The following JMY variants were observed in gnomAD, a reference collection of about 807,000 sequenced individuals.
The protein encoded by JMY is junction-mediating and -regulatory protein.
A neutral mutation model predicts 103.3 loss-of-function variants in JMY; 46 were observed. The ratio of observed to expected loss-of-function variants is 0.45; its 90% confidence interval spans 0.35 to 0.57. The LOEUF (loss-of-function observed/expected upper bound fraction) is 0.57, where lower values mean the gene tolerates loss of function less well. Ranked by LOEUF, JMY falls within the 20% of genes least tolerant of loss-of-function variation. The pLI, the probability that JMY is intolerant of heterozygous loss-of-function variation, is 0.00. For missense variants in JMY, 1,238 were observed against 1,255.2 expected, an observed-to-expected ratio of 0.99 and a Z score of 0.21; for synonymous variants, 526 against 489.3, an observed-to-expected ratio of 1.07 and a Z score of -0.99.
intron 1 of JMY, among the ~76,000 whole-genome samples, chr5:79,262,501 A>T (rs1745454843): frequency 6.6e-6 from 1 of 152,246 alleles, no homozygotes; most frequent in South Asian, 2.1e-4. Context: ...ATCATGAATT[A>T]TAGGAAACGG....
At chr5:79,260,136 C>T (rs184762008) in intron 1 of JMY, among the ~76,000 whole-genome samples, 27 of 152,358 alleles carry the variant, frequency 1.8e-4, no homozygotes, top group Non-Finnish European at 3.1e-4. Flanking sequence ...ATGAACCTGA[C>T]GCACCCAGGG....
intron 4 of JMY, among the ~76,000 whole-genome samples, chr5:79,295,569 AG>A (rs963622554): frequency 1.3e-5 from 2 of 152,258 alleles, no homozygotes; most frequent in African/African-American, 4.8e-5. Flanking sequence ...AAGGGAATAC[AG>A]AGAAGAAAAA....
intron 1 of JMY, among the ~76,000 whole-genome samples, chr5:79,255,844 T>A (rs1215603867): frequency 2.0e-5 from 3 of 152,254 alleles, no homozygotes; most frequent in African/African-American, 7.2e-5. Flanking sequence ...CAAGCACTCC[T>A]GTGGCCATCA....
intron 1 of JMY, among the ~76,000 whole-genome samples, chr5:79,255,958 C>T (rs1290267068): frequency 6.6e-6 from 1 of 152,226 alleles, no homozygotes; most frequent in Non-Finnish European, 1.5e-5. Context: ...TCATTCAAGG[C>T]CCTAGGGCTC....
At chr5:79,240,776 T>G (rs934957994) in intron 1 of JMY, among the ~76,000 whole-genome samples, 4 of 152,210 alleles carry the variant, frequency 2.6e-5, no homozygotes, top group African/African-American at 9.7e-5. Flanking sequence ...TGAAAGTGTA[T>G]AGGATGCTAG....
rs1340167520 is a variant in JMY, at chr5:79,326,193, GT to G, written c.*4597del. The G allele has an allele frequency of 2.0e-5, 3 of 152,024 alleles. No homozygotes were observed. The highest frequency in any genetic ancestry group is 1.9e-4 in the East Asian group (1 of 5,190). 9.4% of individuals were successfully genotyped at this position (152,024 alleles called of 1,614,324 possible). On this transcript the variant is annotated 3_prime_UTR_variant, in exon 11 of 11. Coordinates refer to ENST00000396137, the MANE Select transcript of JMY (RefSeq NM_152405.5). ...GGGGAAAGTTTTGTTTTTTGCTGGT[GT>G]TTTTTGTTGTTTTTAATTAGGCACA...
In JMY at chr5:79,323,748, T is replaced by C. The variant is rs750508667; in HGVS notation, c.*2146T>C. 1 of 152,218 alleles carries C rather than the reference T, an allele frequency of 6.6e-6. No homozygotes were observed. Among genetic ancestry groups the C allele is most frequent in the Non-Finnish European group, 1.5e-5 (1 of 68,032 alleles). The allele number at this position is 152,218 out of a possible 1,614,324, so 9.4% of individuals were successfully genotyped here. On this transcript the variant is annotated 3_prime_UTR_variant, in exon 11 of 11. Transcript: ENST00000396137. ...TACTCTTTTACTTTTGGGATTTCAT[T>C]ATAAAATAGGCTCATTTTATACATA... is the stretch of plus-strand genomic sequence containing the variant.
At chr5:79,269,580 TCC>T (rs1275176087) in intron 1 of JMY, among the ~76,000 whole-genome samples, 1 of 152,210 alleles carries the variant, frequency 6.6e-6, no homozygotes, top group Non-Finnish European at 1.5e-5. Flanking sequence ...ATGGAATATT[TCC>T]TTAGATCTAC....
intron 1 of JMY, among the ~76,000 whole-genome samples, chr5:79,265,005 C>T (rs888778324): frequency 6.6e-6 from 1 of 152,064 alleles, no homozygotes; most frequent in Non-Finnish European, 1.5e-5. Flanking sequence ...TACTATAAGC[C>T]CTGCCTCCCA....
At chr5:79,254,112 AT>A (rs35066606) in intron 1 of JMY, among the ~76,000 whole-genome samples, 5,551 of 140,186 alleles carry the variant, frequency 0.04, 327 homozygotes, top group African/African-American at 0.13. Flanking sequence ...ACGCCCAGCT[AT>A]TTTTTTTTTT....
At chr5:79,244,170 T>C (rs1021862480) in intron 1 of JMY, among the ~76,000 whole-genome samples, 18 of 151,858 alleles carry the variant, frequency 1.2e-4, no homozygotes, top group Non-Finnish European at 2.4e-4. Context: ...CCAGCTAACT[T>C]TTGTATTTTT....
chr5:79,266,816 A>G (rs1414848994), intron 1 of JMY, among the ~76,000 whole-genome samples: 1 of 152,232 alleles, frequency 6.6e-6, no homozygotes, highest in Non-Finnish European at 1.5e-5. Context: ...CCGCCTGTTA[A>G]CAAAGTAGAA....
At chr5:79,284,551 G>A (rs1746213758) in intron 2 of JMY, 10 of 1,536,870 alleles carry the variant, frequency 6.5e-6, no homozygotes, top group Middle Eastern at 1.7e-4. Context: ...TGACGTCAAC[G>A]TGAGCTTCAA....
chr5:79,312,391 A>AT lies in JMY; in HGVS notation c.1969-6dup, dbSNP rs1561314815. The AT allele has an allele frequency of 6.8e-6, 10 of 1,481,158 alleles. No homozygotes were observed. In the Admixed American group the frequency reaches 2.1e-4, roughly 32 times the overall value. The allele number at this position is 1,481,158 out of a possible 1,614,324, so 91.8% of individuals were successfully genotyped here. On this transcript the variant is annotated splice_polypyrimidine_tract_variant and intron_variant, in intron 7 of 10. Transcript: ENST00000396137. ...ACACAGCATAATGGAATTATTATTA[A>AT]TTTTTTACCAGAAGAGAGAAAAATT...
intron 9 of JMY, among the ~76,000 whole-genome samples, 186 bp from the exon 10 acceptor site, chr5:79,315,814 T>TCCA: frequency 6.6e-6 from 1 of 152,178 alleles, no homozygotes; most frequent in South Asian, 2.1e-4. Context: ...CTTGGGATTT[T>TCCA]CTAAAAAGAA....
chr5:79,291,936 C>T (rs1327218415), intron 4 of JMY, among the ~76,000 whole-genome samples: 1 of 152,182 alleles, frequency 6.6e-6, no homozygotes, highest in Non-Finnish European at 1.5e-5. Context: ...TATAAGAATA[C>T]AGCATTATGT....
intron 1 of JMY, among the ~76,000 whole-genome samples, chr5:79,253,643 A>G (rs985788658): frequency 1.3e-5 from 2 of 152,124 alleles, no homozygotes; most frequent in Non-Finnish European, 2.9e-5. Context: ...CCACAGTTAC[A>G]GTGTTATAAT....
In JMY at chr5:79,240,022, C is replaced by CT. The variant is rs572765239; in HGVS notation, c.1032+2351dup. 5.7e-3 allele frequency among the ~76,000 whole-genome samples: 828 copies of CT among 144,532 alleles called. 2 individuals are homozygous for CT. Among genetic ancestry groups the CT allele is most frequent in the Non-Finnish European group, 7.3e-3 (479 of 65,488 alleles). 94.8% of individuals were successfully genotyped at this position (144,532 alleles called of 152,430 possible). On this transcript the variant is annotated intron_variant, in intron 1 of 10. Coordinates refer to ENST00000396137, the MANE Select transcript of JMY (RefSeq NM_152405.5). ...ACAGAAAATTATACTTTTTTTCTTTCTTTTTTTTTTTGAGATGGAGTCTCG... is the reference window on the plus strand; with the variant it reads ...ACAGAAAATTATACTTTTTTTCTTTCTTTTTTTTTTTTGAGATGGAGTCTCG...
chr5:79,284,714 C>G, intron 2 of JMY: 2 of 1,592,240 alleles, frequency 1.3e-6, no homozygotes, highest in East Asian at 4.5e-5. Flanking sequence ...GCAAGACTCA[C>G]TTCAAACACA....
Sources: allele counts gnomAD v4.1 joint callset (sites outside exome capture counted in the v4.1 genomes callset), GRCh38; gene constraint gnomAD v4.1.1; transcripts MANE v1.5; gene names NCBI Gene and HGNC (gene_info 2026-07-23, HGNC 2026-07-21).